The following WIPF3 variants were observed in gnomAD, a reference collection of about 807,000 sequenced individuals.
The protein encoded by WIPF3 is WAS/WASL interacting protein family member 3, also known as WAS/WASL-interacting protein family member 3.
Under a neutral mutation model 38.9 loss-of-function variants are expected in WIPF3, and 33 were observed. That is an observed-to-expected ratio of 0.85 (90% CI 0.64 to 1.14). WIPF3 has a LOEUF of 1.14. Among genes scored for constraint, WIPF3 ranks in the 50% most tolerant of loss-of-function variants. The pLI, the probability that WIPF3 is intolerant of heterozygous loss-of-function variation, is 0.00. For missense variants in WIPF3, 711 were observed against 652.5 expected, an observed-to-expected ratio of 1.09 and a Z score of -0.98; for synonymous variants, 324 against 269.3, an observed-to-expected ratio of 1.20 and a Z score of -1.99.
intron 8 of WIPF3, among the ~76,000 whole-genome samples, chr7:29,910,840 G>C (rs1786492365): frequency 2.0e-5 from 3 of 152,098 alleles, no homozygotes; most frequent in Non-Finnish European, 4.4e-5. Flanking sequence ...GAAAGCTTTT[G>C]CTTTAAGATC....
At chr7:29,881,861 C>T (rs528199952) in intron 4 of WIPF3, among the ~76,000 whole-genome samples, 5 of 152,210 alleles carry the variant, frequency 3.3e-5, no homozygotes, top group Non-Finnish European at 5.9e-5. Flanking sequence ...TGGCCTTTCC[C>T]GCCACCTCCT....
chr7:29,904,104 A>G (rs1786343078), intron 7 of WIPF3, among the ~76,000 whole-genome samples, 182 bp from the exon 8 acceptor site: 1 of 152,192 alleles, frequency 6.6e-6, no homozygotes, highest in East Asian at 1.9e-4. Flanking sequence ...AGTATTAGAC[A>G]TGACTCTTCT....
At chr7:29,837,467 A>G (rs1784824449) in intron 2 of WIPF3, among the ~76,000 whole-genome samples, 2 of 152,252 alleles carry the variant, frequency 1.3e-5, no homozygotes, top group Non-Finnish European at 1.5e-5. Context: ...TAATGTTGAC[A>G]ATAACATTTA....
chr7:29,858,364 C>T (rs1285639325), intron 2 of WIPF3, among the ~76,000 whole-genome samples: 2 of 152,156 alleles, frequency 1.3e-5, no homozygotes, highest in Non-Finnish European at 2.9e-5. Flanking sequence ...GGCAGAGACC[C>T]ATCAGCACAA....
Position 29,884,489 on chromosome 7 carries a change from G to A in WIPF3, c.995G>A (p.Ser332Asn). ...TPPPLPPKSP[S>N]FQAPPQKAGA... The stretch of plus-strand genomic sequence containing the variant: ...CCCCCGCTACCCCCTAAATCCCCCA[G>A]CTTCCAGGCCCCACCGCAGAAGGCC... The change falls in exon 5 of 9, where the codon AGC becomes AAC. Residue 332 changes from serine (S) to asparagine (N), a missense_variant. Physicochemically the swap from Ser to Asn is conservative, Grantham distance 46. Transcript: ENST00000242140. 1 of 1,553,604 alleles carries A rather than the reference G, an allele frequency of 6.4e-7. No individual in the cohort carries two copies. The highest frequency in any genetic ancestry group is 8.7e-7 in the Non-Finnish European group (1 of 1,152,480).
chr7:29,892,344 C>G (rs1038703244), intron 7 of WIPF3, among the ~76,000 whole-genome samples: 2 of 152,192 alleles, frequency 1.3e-5, no homozygotes, highest in African/African-American at 4.8e-5. Flanking sequence ...AGGAGCCAGG[C>G]TGCACGGGGC....
intron 1 of WIPF3, among the ~76,000 whole-genome samples, chr7:29,809,588 T>C (rs530815907): frequency 6.6e-6 from 1 of 152,386 alleles, no homozygotes; most frequent in African/African-American, 2.4e-5. Context: ...CGAAGAGGCA[T>C]GCCTTTCCCC....
chr7:29,814,758 T>C (rs1427603897), intron 1 of WIPF3, among the ~76,000 whole-genome samples: 1 of 152,128 alleles, frequency 6.6e-6, no homozygotes, highest in Non-Finnish European at 1.5e-5. Flanking sequence ...GTAGGGAATA[T>C]GCTCAGTACA....
chr7:29,895,011 G>A (rs1786107709), intron 7 of WIPF3, among the ~76,000 whole-genome samples: 1 of 151,994 alleles, frequency 6.6e-6, no homozygotes, highest in South Asian at 2.1e-4. Flanking sequence ...GAGTGCAGTG[G>A]CGTGATCTCG....
intron 2 of WIPF3, among the ~76,000 whole-genome samples, chr7:29,837,540 T>C (rs1272272300): frequency 1.3e-5 from 2 of 152,240 alleles, no homozygotes; most frequent in African/African-American, 4.8e-5. Flanking sequence ...TAATTGTACA[T>C]TTGGTTAAAT....
At chr7:29,894,555 T>C (rs1439992883) in intron 7 of WIPF3, among the ~76,000 whole-genome samples, 1 of 152,166 alleles carries the variant, frequency 6.6e-6, no homozygotes, top group East Asian at 1.9e-4. Flanking sequence ...TTTTAAATTA[T>C]ATTAGTGTGA....
intron 2 of WIPF3, among the ~76,000 whole-genome samples, chr7:29,872,430 C>T (rs1409513610): frequency 6.6e-6 from 1 of 152,098 alleles, no homozygotes; most frequent in Non-Finnish European, 1.5e-5. Context: ...TGTATATGGT[C>T]GCTTTTGCCA....
intron 2 of WIPF3, among the ~76,000 whole-genome samples, chr7:29,858,958 A>G (rs1785232496): frequency 6.6e-6 from 1 of 152,222 alleles, no homozygotes; most frequent in Admixed American, 6.5e-5. Context: ...CTTATTATGT[A>G]TAAGACACTA....
intron 7 of WIPF3, among the ~76,000 whole-genome samples, chr7:29,904,005 G>GAAA (rs1453759443): frequency 1.3e-5 from 2 of 152,130 alleles, no homozygotes; most frequent in African/African-American, 4.8e-5. Flanking sequence ...GTGGATAATG[G>GAAA]ATGAGCATCC....
intron 2 of WIPF3, among the ~76,000 whole-genome samples, chr7:29,872,520 A>C (rs1451651936): frequency 6.6e-6 from 1 of 152,142 alleles, no homozygotes; most frequent in Non-Finnish European, 1.5e-5. Context: ...GAGGCCGGGC[A>C]CAGTGGCTTA....
chr7:29,818,637 T>TG (rs1285587158), intron 1 of WIPF3, among the ~76,000 whole-genome samples: 1 of 151,186 alleles, frequency 6.6e-6, no homozygotes, highest in East Asian at 1.9e-4. Context: ...CCATATTATT[T>TG]GGGGGGAAAA....
chr7:29,857,205 C>T (rs1484090330), intron 2 of WIPF3, among the ~76,000 whole-genome samples: 1 of 152,082 alleles, frequency 6.6e-6, no homozygotes, highest in African/African-American at 2.4e-5. Context: ...ACCCTAACCA[C>T]CTCCCTCACC....
At chr7:29,845,417 C>T (rs960190031) in intron 2 of WIPF3, among the ~76,000 whole-genome samples, 1 of 152,206 alleles carries the variant, frequency 6.6e-6, no homozygotes, top group Non-Finnish European at 1.5e-5. Flanking sequence ...TAAGTCTCTG[C>T]CTCTGAAGAG....
chr7:29,903,540 A>G (rs1786329402), intron 7 of WIPF3, among the ~76,000 whole-genome samples: 3 of 152,186 alleles, frequency 2.0e-5, no homozygotes, highest in Admixed American at 2.0e-4. Context: ...CAGAAACAGA[A>G]TAGATAGGTG....
Sources: gnomAD v4.1 joint callset for allele counts (sites outside exome capture counted in the v4.1 genomes callset) on GRCh38, gnomAD v4.1.1 for gene constraint, MANE v1.5 for transcripts, NCBI Gene and HGNC (gene_info 2026-07-23, HGNC 2026-07-21) for gene names.